KIRREL3: variants seen among roughly 807,000 people sequenced by gnomAD.
KIRREL3 encodes kin of IRRE-like protein 3.
Under a neutral mutation model 89.7 loss-of-function variants are expected in KIRREL3, and 36 were observed. The observed-to-expected ratio is 0.40, with a 90% CI of 0.31 to 0.53. KIRREL3 has a LOEUF of 0.53. Ranked by LOEUF, KIRREL3 falls within the 20% of genes least tolerant of loss-of-function variation. The probability of loss-of-function intolerance (pLI) is 0.49; values close to 1 mark genes in which losing one functional copy is unlikely to be tolerated. For missense variants in KIRREL3, 864 were observed against 1,056.6 expected, an observed-to-expected ratio of 0.82 and a Z score of 2.53; for synonymous variants, 445 against 441.4, an observed-to-expected ratio of 1.01 and a Z score of -0.10.
rs1015137342 is a variant in KIRREL3 at position 127,000,715 on chromosome 11, G to C, written c.-206C>G. The stretch of plus-strand genomic sequence containing the variant: ...CGACACAAACTGCCTGTTCTTAGCC[G>C]CCTCGGGAAGCCGGGATTGTCAGCA... On this transcript the variant is annotated 5_prime_UTR_variant, in exon 1 of 17. Coordinates refer to ENST00000525144, the MANE Select transcript of KIRREL3 (RefSeq NM_032531.4). The surrounding 1 kb of genome is among the most constrained non-coding windows in gnomAD (Gnocchi z 7.1). 1.9e-6 allele frequency: 1 copy of C among 533,376 alleles called. No homozygotes were observed. The highest frequency in any genetic ancestry group is 3.3e-6 in the Non-Finnish European group (1 of 301,480). 33.0% of individuals were successfully genotyped at this position (533,376 alleles called of 1,614,324 possible). A position where few individuals can be genotyped will look rare whatever the true frequency, so the allele number is the denominator to read the frequency against.
intron 1 of KIRREL3, among the ~76,000 whole-genome samples, chr11:126,842,980 C>G (rs1229566544): frequency 6.6e-6 from 1 of 151,960 alleles, no homozygotes; most frequent in African/African-American, 2.4e-5. Flanking sequence ...AATGCAGGGC[C>G]TTTACTTGGT....
intron 4 of KIRREL3, among the ~76,000 whole-genome samples, chr11:126,488,077 C>A (rs57586117): frequency 0.088 from 13,465 of 152,274 alleles, 1,924 homozygotes; most frequent in African/African-American, 0.3. Context: ...TCAGAATAAG[C>A]CCCTTATTCA....
At position 126,860,718 on chromosome 11, in the gene KIRREL3, G is replaced by A. The variant is rs950530142; in HGVS notation, c.55+139737C>T. ...GACTTCTTCCCAACCACAGGGTGGA[G>A]AATGGGTGGCAGGCCAGTGAGGAGG... is the stretch of plus-strand genomic sequence containing the variant. On this transcript the variant is annotated intron_variant, in intron 1 of 16. Transcript: ENST00000525144. The surrounding 1 kb of genome is among the most constrained non-coding windows in gnomAD (Gnocchi z 4.6). 2.6e-5 allele frequency among the ~76,000 whole-genome samples: 4 copies of A among 152,214 alleles called. No individual in the cohort carries two copies. The highest frequency in any genetic ancestry group is 6.5e-5 in the Admixed American group (1 of 15,284).
Position 126,614,112 on chromosome 11 carries a change from G to T in KIRREL3, c.56-51200C>A, listed in dbSNP as rs1943250020. On this transcript the variant is annotated intron_variant, in intron 1 of 16. Transcript: ENST00000525144. The surrounding 1 kb of genome is among the most constrained non-coding windows in gnomAD (Gnocchi z 4.6). ...TTTTGACATCACATTTTAAGACAGG[G>T]TACAGATGTAAGTGGGGAGTAGGGA... Among the ~76,000 whole-genome samples the T allele has an allele frequency of 6.6e-6, 1 of 152,056 alleles. No individual in the cohort carries two copies.
chr11:126,856,080 G>C (rs1944496868), intron 1 of KIRREL3, among the ~76,000 whole-genome samples: 1 of 152,144 alleles, frequency 6.6e-6, no homozygotes, highest in South Asian at 2.1e-4. Context: ...TTTCAAAAAG[G>C]GTTCCAATGC....
chr11:126,787,582 G>A (rs552354798), intron 1 of KIRREL3, among the ~76,000 whole-genome samples: 2 of 152,292 alleles, frequency 1.3e-5, no homozygotes, highest in African/African-American at 2.4e-5. Context: ...TTCCTGGAAA[G>A]ATAAATTTTT....
At chr11:126,673,632 A>G (rs1946055784) in intron 1 of KIRREL3, among the ~76,000 whole-genome samples, 1 of 152,220 alleles carries the variant, frequency 6.6e-6, no homozygotes, top group African/African-American at 2.4e-5. Context: ...AAAATAAATG[A>G]GGGCTCAGGG....
At position 126,843,262 on chromosome 11, in the gene KIRREL3, C is replaced by T. The variant is rs1944024863; in HGVS notation, c.55+157193G>A. On this transcript the variant is annotated intron_variant, in intron 1 of 16. Coordinates refer to ENST00000525144, the MANE Select transcript of KIRREL3 (RefSeq NM_032531.4). The surrounding 1 kb of genome is among the most constrained non-coding windows in gnomAD (Gnocchi z 4.6). ...CCACTGATGCAGTTCAAACTGTGTC[C>T]CCATCAGTATGAAAGGCAAGTTTGC... is the stretch of plus-strand genomic sequence containing the variant. 6.6e-6 allele frequency among the ~76,000 whole-genome samples: 1 copy of T among 152,052 alleles called. No individual in the cohort carries two copies. The highest frequency in any genetic ancestry group is 1.5e-5 in the Non-Finnish European group (1 of 68,020).
intron 1 of KIRREL3, among the ~76,000 whole-genome samples, chr11:126,673,685 C>T (rs959721393): frequency 6.6e-6 from 1 of 152,202 alleles, no homozygotes; most frequent in African/African-American, 2.4e-5. Context: ...TGTCCTGGAG[C>T]AGGACAGGGA....
intron 1 of KIRREL3, among the ~76,000 whole-genome samples, chr11:126,730,016 CG>C (rs1565684427): frequency 6.6e-6 from 1 of 152,174 alleles, no homozygotes; most frequent in Admixed American, 6.5e-5. Context: ...CACCCTCCTC[CG>C]GAGTTTCCAT....
At chr11:126,482,020 T>C (rs1269374262) in intron 4 of KIRREL3, among the ~76,000 whole-genome samples, 2 of 152,214 alleles carry the variant, frequency 1.3e-5, no homozygotes, top group African/African-American at 4.8e-5. Context: ...TTTTCCCCAA[T>C]TGCCCCTTTC....
chr11:126,479,449 A>G (rs1478923252), intron 4 of KIRREL3, among the ~76,000 whole-genome samples: 1 of 152,260 alleles, frequency 6.6e-6, no homozygotes, highest in East Asian at 1.9e-4. Context: ...CCAGTGCCCA[A>G]GACGGACATG....
Position 126,897,767 on chromosome 11 carries a change from C to T in KIRREL3, c.55+102688G>A, listed in dbSNP as rs532066920. On this transcript the variant is annotated intron_variant, in intron 1 of 16. Coordinates refer to ENST00000525144, the MANE Select transcript of KIRREL3 (RefSeq NM_032531.4). This position sits in a 1 kb window ranked among gnomAD's most constrained non-coding sequence, Gnocchi z 4.2. ...CAGCAGCAAAAGCCCATTTTATTCT[C>T]ATGAAAAAGAATTTAATGACCCTCT... is the stretch of plus-strand genomic sequence containing the variant. 1.1e-3 allele frequency among the ~76,000 whole-genome samples: 171 copies of T among 152,318 alleles called. 5 individuals carry two copies. The South Asian group carries it at 0.033, about 30-fold the overall frequency.
intron 1 of KIRREL3, among the ~76,000 whole-genome samples, chr11:126,691,594 C>CT (rs543963996): frequency 7.4e-4 from 112 of 152,034 alleles, no homozygotes; most frequent in East Asian, 3.9e-3. Context: ...GAAAATTCTT[C>CT]TTTTTTTAAA....
At chr11:126,572,132 GA>G (rs1940980042) in intron 1 of KIRREL3, among the ~76,000 whole-genome samples, 1 of 152,282 alleles carries the variant, frequency 6.6e-6, no homozygotes, top group African/African-American at 2.4e-5. Flanking sequence ...GGCCAGGCAG[GA>G]AAAGGCATTT....
chr11:126,507,107 G>A (rs1958046178), intron 4 of KIRREL3, among the ~76,000 whole-genome samples: 1 of 152,126 alleles, frequency 6.6e-6, no homozygotes, highest in African/African-American at 2.4e-5. Context: ...AGAGAAAGGG[G>A]CTAGACACAC....
chr11:126,435,451 C>T, intron 12 of KIRREL3, 148 bp from the exon 13 acceptor site: 1 of 777,880 alleles, frequency 1.3e-6, no homozygotes, highest in Non-Finnish European at 2.2e-6. Context: ...CAGGCTAGCC[C>T]AGCTGAACTT....
rs1946239747 is a variant in KIRREL3 at position 126,677,330 on chromosome 11, T to G, written c.56-114418A>C. On this transcript the variant is annotated intron_variant, in intron 1 of 16. Coordinates refer to ENST00000525144, the MANE Select transcript of KIRREL3 (RefSeq NM_032531.4). The surrounding 1 kb of genome is among the most constrained non-coding windows in gnomAD (Gnocchi z 5.1). ...CTATAGATTCCCCTATTCTGGACAT[T>G]TCGTATAAGTGGAACCATAGACTGT... Among the ~76,000 whole-genome samples, 1 of 152,154 alleles carries G rather than the reference T, an allele frequency of 6.6e-6. No individual in the cohort carries two copies. Among genetic ancestry groups the G allele is most frequent in the Non-Finnish European group, 1.5e-5 (1 of 68,032 alleles).
chr11:126,604,267 C>T (rs574038498), intron 1 of KIRREL3, among the ~76,000 whole-genome samples: 1 of 152,226 alleles, frequency 6.6e-6, no homozygotes, highest in Non-Finnish European at 1.5e-5. Context: ...TGAGTGTACA[C>T]GTGGGAATGG....
Sources: gnomAD v4.1 joint callset for allele counts (sites outside exome capture counted in the v4.1 genomes callset) on GRCh38, gnomAD v4.1.1 for gene constraint, Gnocchi (gnomAD v3.1) non-coding constraint, MANE v1.5 for transcripts, NCBI Gene and HGNC (gene_info 2026-07-23, HGNC 2026-07-21) for gene names.